MAN2A1: variants seen among roughly 807,000 people sequenced by gnomAD.
MAN2A1 encodes alpha-mannosidase 2.
MAN2A1 carries 76 observed loss-of-function variants against 142.6 expected under a neutral mutation model. That is an observed-to-expected ratio of 0.53 (90% CI 0.44 to 0.65). The LOEUF is 0.65. Among genes scored for constraint, MAN2A1 ranks in the 30% least tolerant of loss-of-function variants. The probability of loss-of-function intolerance (pLI) is 0.00; values close to 1 mark genes in which losing one functional copy is unlikely to be tolerated. For missense variants in MAN2A1, 1,311 were observed against 1,365.1 expected (o/e 0.96, Z 0.62); for synonymous variants, 559 against 473.2 (o/e 1.18, Z -2.35).
At chr5:109,795,365 T>G (rs1204374944) in intron 12 of MAN2A1, among the ~76,000 whole-genome samples, 1 of 152,292 alleles carries the variant, frequency 6.6e-6, no homozygotes, top group African/African-American at 2.4e-5. Context: ...AACCTCACAT[T>G]GACTGAAATT....
chr5:109,702,062 A>T (rs1343185050), intron 1 of MAN2A1, among the ~76,000 whole-genome samples: 1 of 152,172 alleles, frequency 6.6e-6, no homozygotes, highest in African/African-American at 2.4e-5. Flanking sequence ...GGCCAAGTAC[A>T]TTTCTGATAA....
At chr5:109,764,932 T>G (rs1752949348) in intron 5 of MAN2A1, among the ~76,000 whole-genome samples, 1 of 152,190 alleles carries the variant, frequency 6.6e-6, no homozygotes, top group African/African-American at 2.4e-5. Flanking sequence ...TGTACATTGA[T>G]TCATATGTAT....
intron 20 of MAN2A1, among the ~76,000 whole-genome samples, chr5:109,859,891 TA>T (rs1264080690): frequency 4.0e-5 from 6 of 150,414 alleles, no homozygotes; most frequent in Non-Finnish European, 7.4e-5. Flanking sequence ...TTTTTTTTTT[TA>T]GATTATTTCC....
At chr5:109,795,849 GT>G (rs1753843650) in intron 12 of MAN2A1, among the ~76,000 whole-genome samples, 1 of 152,038 alleles carries the variant, frequency 6.6e-6, no homozygotes, top group Non-Finnish European at 1.5e-5. Flanking sequence ...TAAGGTCTCT[GT>G]TGACCATCTT....
intron 8 of MAN2A1, among the ~76,000 whole-genome samples, chr5:109,778,462 A>G (rs577695264): frequency 6.6e-6 from 1 of 152,212 alleles, no homozygotes; most frequent in South Asian, 2.1e-4. Context: ...CGTTAGTCAT[A>G]ATGTTTGCTG....
At chr5:109,826,577 A>G (rs1754766688) in intron 16 of MAN2A1, among the ~76,000 whole-genome samples, 2 of 152,220 alleles carry the variant, frequency 1.3e-5, no homozygotes, top group South Asian at 4.1e-4. Flanking sequence ...CCGGTTGTGG[A>G]GAGAGTCTTT....
intron 6 of MAN2A1, 113 bp downstream of exon 6, chr5:109,767,821 G>A: frequency 1.2e-6 from 1 of 829,008 alleles, no homozygotes; most frequent in Non-Finnish European, 1.9e-6. Flanking sequence ...AAAATCAGGT[G>A]GCCTAAAGAT....
chr5:109,743,277 CTGT>C (rs1752318743), intron 4 of MAN2A1, among the ~76,000 whole-genome samples: 1 of 152,156 alleles, frequency 6.6e-6, no homozygotes, highest in South Asian at 2.1e-4. Flanking sequence ...CTTTTCCACA[CTGT>C]TGTTTTAATT....
At chr5:109,762,775 CA>C (rs1483848334) in intron 5 of MAN2A1, among the ~76,000 whole-genome samples, 2 of 152,164 alleles carry the variant, frequency 1.3e-5, no homozygotes, top group African/African-American at 4.8e-5. Flanking sequence ...ACACACTTAA[CA>C]ACACTTACAA....
chr5:109,722,943 T>C (rs1751645771), intron 3 of MAN2A1, among the ~76,000 whole-genome samples: 1 of 152,208 alleles, frequency 6.6e-6, no homozygotes, highest in Non-Finnish European at 1.5e-5. Flanking sequence ...CAGTCAGTGT[T>C]AGATGCTCAT....
At chr5:109,798,221 C>A (rs149318835) in intron 12 of MAN2A1, among the ~76,000 whole-genome samples, 2 of 152,294 alleles carry the variant, frequency 1.3e-5, no homozygotes, top group African/African-American at 2.4e-5. Context: ...GGTGGAGAGG[C>A]AGGAGCATAT....
At chr5:109,818,825 C>G (rs1327081119) in intron 13 of MAN2A1, among the ~76,000 whole-genome samples, 1 of 152,116 alleles carries the variant, frequency 6.6e-6, no homozygotes, top group East Asian at 1.9e-4. Flanking sequence ...TTATTAGGTT[C>G]TCTGGATAAA....
chr5:109,770,313 G>T, intron 6 of MAN2A1, 42 bp from the exon 7 acceptor site: 1 of 1,568,942 alleles, frequency 6.4e-7, no homozygotes, highest in South Asian at 1.1e-5. Flanking sequence ...TGGGAAAACA[G>T]ATTTTATAAA....
intron 12 of MAN2A1, among the ~76,000 whole-genome samples, chr5:109,816,050 T>A (rs1418844617): frequency 6.6e-6 from 1 of 152,180 alleles, no homozygotes; most frequent in Non-Finnish European, 1.5e-5. Context: ...TTTCATGAAG[T>A]CTGCAATGTG....
chr5:109,790,412 A>T (rs1279466594), intron 12 of MAN2A1, among the ~76,000 whole-genome samples: 1 of 151,878 alleles, frequency 6.6e-6, no homozygotes, highest in East Asian at 1.9e-4. Flanking sequence ...AGTTGTCTAA[A>T]TTTCTTTAGT....
At chr5:109,810,950 A>T (rs963083236) in intron 12 of MAN2A1, among the ~76,000 whole-genome samples, 2 of 150,414 alleles carry the variant, frequency 1.3e-5, no homozygotes, top group Non-Finnish European at 1.5e-5. Context: ...AAGAGTGTTT[A>T]TATTTCTGTT....
intron 5 of MAN2A1, among the ~76,000 whole-genome samples, chr5:109,762,343 T>C (rs1752874475): frequency 6.6e-6 from 1 of 152,220 alleles, no homozygotes. Flanking sequence ...TACTACCTTA[T>C]CTTTATTTTC....
chr5:109,775,459 G>A (rs143268163), intron 8 of MAN2A1, among the ~76,000 whole-genome samples: 4 of 142,730 alleles, frequency 2.8e-5, no homozygotes, highest in Non-Finnish European at 4.5e-5. Flanking sequence ...AAAATTAATC[G>A]TTTGCCTATG....
chr5:109,855,072 A>C, intron 19 of MAN2A1, 68 bp from the exon 20 acceptor site: 2 of 765,824 alleles, frequency 2.6e-6, no homozygotes, highest in South Asian at 6.4e-5. Flanking sequence ...ACCCTCTCAG[A>C]TAATTCTGTT....
Sources: gnomAD v4.1 joint callset for allele counts (sites outside exome capture counted in the v4.1 genomes callset) on GRCh38, gnomAD v4.1.1 for gene constraint, MANE v1.5 for transcripts, NCBI Gene and HGNC (gene_info 2026-07-23, HGNC 2026-07-21) for gene names.